Variants in PLPPR4 observed in about 807,000 individuals in gnomAD.
PLPPR4 encodes phospholipid phosphatase-related protein type 4.
A neutral mutation model predicts 56.6 loss-of-function variants in PLPPR4; 24 were observed. That is an observed-to-expected ratio of 0.42 (90% CI 0.31 to 0.60). The LOEUF (loss-of-function observed/expected upper bound fraction) is 0.60. Ranked by LOEUF, PLPPR4 falls within the 20% of genes least tolerant of loss-of-function variation. The pLI is 0.13. For missense variants in PLPPR4, 654 were observed against 885.8 expected (o/e 0.74, Z 3.32); for synonymous variants, 326 against 328.1 (o/e 0.99, Z 0.07).
intron 4 of PLPPR4, 123 bp from the exon 5 acceptor site, chr1:99,300,786 A>G (rs1659867305): frequency 4.2e-6 from 3 of 722,470 alleles, no homozygotes; most frequent in Non-Finnish European, 7.4e-6. Flanking sequence ...GACAGAAGGT[A>G]AAATTATTGC....
chr1:99,298,855 T>C, intron 3 of PLPPR4, 180 bp from the exon 4 acceptor site: 1 of 669,802 alleles, frequency 1.5e-6, no homozygotes, highest in Non-Finnish European at 2.7e-6. Context: ...TCATTGCCTT[T>C]ATTTTGGACT....
upstream of PLPPR4, among the ~76,000 whole-genome samples, chr1:99,263,671 T>G (rs1658818221): frequency 6.6e-6 from 1 of 152,196 alleles, no homozygotes; most frequent in Admixed American, 6.5e-5. Flanking sequence ...CCATGTATAC[T>G]GCCAACAAGA....
chr1:99,279,624 C>T (rs1216229380), intron 1 of PLPPR4, among the ~76,000 whole-genome samples: 1 of 152,100 alleles, frequency 6.6e-6, no homozygotes, highest in Non-Finnish European at 1.5e-5. Flanking sequence ...CTGGCAATCT[C>T]ATTGAAGCCT....
intron 1 of PLPPR4, among the ~76,000 whole-genome samples, chr1:99,279,777 A>G (rs1659277764): frequency 6.6e-6 from 1 of 152,126 alleles, no homozygotes; most frequent in Admixed American, 6.5e-5. Flanking sequence ...CAGGCATGCT[A>G]TTTTACTTAT....
At chr1:99,291,561 G>A (rs2100801411) in intron 2 of PLPPR4, among the ~76,000 whole-genome samples, 1 of 152,330 alleles carries the variant, frequency 6.6e-6, no homozygotes, top group African/African-American at 2.4e-5. Context: ...TAAAGAAAAT[G>A]TGGTACATAT....
chr1:99,267,139 A>G (rs2100780853), intron 1 of PLPPR4, among the ~76,000 whole-genome samples: 2 of 152,368 alleles, frequency 1.3e-5, no homozygotes, highest in Middle Eastern at 3.4e-3. Flanking sequence ...AACAAAACAG[A>G]TCTCAGGAGA....
chr1:99,269,017 G>A (rs1339211042), intron 1 of PLPPR4, among the ~76,000 whole-genome samples: 2 of 152,136 alleles, frequency 1.3e-5, no homozygotes, highest in Non-Finnish European at 2.9e-5. Flanking sequence ...ATGGTGGTTT[G>A]CTGCACCCAT....
chr1:99,285,861 G>A (rs1659450341), intron 1 of PLPPR4, among the ~76,000 whole-genome samples: 1 of 152,126 alleles, frequency 6.6e-6, no homozygotes, highest in African/African-American at 2.4e-5. Context: ...TGTTATGTAA[G>A]TCCACATTTT....
At chr1:99,264,434 AAGGCGGGGGCGCTGCATGCAGC>A, upstream of PLPPR4, 1 of 1,465,102 alleles carries the variant, frequency 6.8e-7, no homozygotes, top group East Asian at 2.5e-5. Flanking sequence ...GGGCGGGGAG[AAGGCGGGGGCGCTGCATGCAGC>A]GCGCTGGCTC....
At position 99,306,251 on chromosome 1, in the gene PLPPR4, A is replaced by C; in HGVS notation, c.1389A>C (p.Gly463=). 1 of 1,614,100 alleles carries C rather than the reference A, an allele frequency of 6.2e-7. No individual in the cohort carries two copies. Among genetic ancestry groups the C allele is most frequent in the African/African-American group, 1.3e-5 (1 of 75,026 alleles). The change falls in exon 7 of 7, where the codon GGA becomes GGC. Residue 463 remains glycine, a synonymous_variant. Transcript: ENST00000370185. The surrounding 1 kb of genome is among the most constrained non-coding windows in gnomAD (Gnocchi z 4.0). ...YLKIQPGAVP[G]CNNSMPGGPR... Reference sequence around the variant, plus strand: ...AAATCCAGCCTGGCGCTGTCCCCGGATGTAACAACAGCATGCCTGGAGGGC... The same window carrying C: ...AAATCCAGCCTGGCGCTGTCCCCGGCTGTAACAACAGCATGCCTGGAGGGC...
chr1:99,277,036 G>A (rs1659204015), intron 1 of PLPPR4, among the ~76,000 whole-genome samples: 1 of 152,062 alleles, frequency 6.6e-6, no homozygotes, highest in Non-Finnish European at 1.5e-5. Context: ...CTCATAATAA[G>A]CAGATATTAC....
At chr1:99,275,056 G>A (rs138968593) in intron 1 of PLPPR4, among the ~76,000 whole-genome samples, 2 of 152,098 alleles carry the variant, frequency 1.3e-5, no homozygotes, top group African/African-American at 2.4e-5. Context: ...AGAATTAACA[G>A]GTTACTTATC....
chr1:99,296,659 G>T (rs771170113), intron 2 of PLPPR4, 79 bp from the exon 3 acceptor site: 10 of 1,171,928 alleles, frequency 8.5e-6, no homozygotes, highest in Non-Finnish European at 1.2e-5. Context: ...GTTAAAAAGT[G>T]ATATATAATT....
chr1:99,302,424 T>C (rs1439226440), intron 6 of PLPPR4, among the ~76,000 whole-genome samples: 2 of 152,156 alleles, frequency 1.3e-5, no homozygotes, highest in Non-Finnish European at 2.9e-5. Context: ...CATGCATTCA[T>C]GCATTTTACA....
chr1:99,305,132 C>A (rs569908166), intron 6 of PLPPR4, among the ~76,000 whole-genome samples: 2 of 152,146 alleles, frequency 1.3e-5, no homozygotes, highest in Admixed American at 1.3e-4. Flanking sequence ...CAAGAACACC[C>A]TGTACAATGC....
chr1:99,264,514 G>T lies in PLPPR4; in HGVS notation c.-80G>T. ...GACATCAGCGGCGCCGGGCGCTTGG[G>T]GCTGGAGGAGGCAGCTCGCCTCAGC... On this transcript the variant is annotated 5_prime_UTR_variant, in exon 1 of 7. Coordinates refer to ENST00000370185, the MANE Select transcript of PLPPR4 (RefSeq NM_014839.5). The T allele has an allele frequency of 1.9e-6, 3 of 1,549,492 alleles. No individual in the cohort carries two copies. Among genetic ancestry groups the T allele is most frequent in the Non-Finnish European group, 2.6e-6 (3 of 1,147,226 alleles).
chr1:99,285,430 G>T (rs1359823902), intron 1 of PLPPR4, among the ~76,000 whole-genome samples: 2 of 152,120 alleles, frequency 1.3e-5, no homozygotes, highest in African/African-American at 2.4e-5. Flanking sequence ...TGATTTATTG[G>T]TCAAGACTGA....
chr1:99,278,657 A>G (rs1462008314), intron 1 of PLPPR4, among the ~76,000 whole-genome samples: 3 of 152,216 alleles, frequency 2.0e-5, no homozygotes, highest in Non-Finnish European at 2.9e-5. Flanking sequence ...AATTTTCACT[A>G]CCTGAGGTTA....
chr1:99,269,377 A>G (rs1226872607), intron 1 of PLPPR4, among the ~76,000 whole-genome samples: 2 of 152,266 alleles, frequency 1.3e-5, no homozygotes, highest in Admixed American at 6.5e-5. Context: ...ACAGTGTTGC[A>G]ATAAACATAT....
Sources: gnomAD v4.1 joint callset for allele counts (sites outside exome capture counted in the v4.1 genomes callset) on GRCh38, gnomAD v4.1.1 for gene constraint, Gnocchi (gnomAD v3.1) non-coding constraint, MANE v1.5 for transcripts, NCBI Gene and HGNC (gene_info 2026-07-23, HGNC 2026-07-21) for gene names.